Variants in RAB4B observed in about 807,000 individuals in gnomAD.
RAB4B encodes RAB4B, member RAS oncogene family.
A neutral mutation model predicts 28.3 loss-of-function variants in RAB4B; 15 were observed. The observed-to-expected ratio is 0.53, with a 90% CI of 0.35 to 0.82. The LOEUF (loss-of-function observed/expected upper bound fraction) is 0.82. RAB4B is among the 40% of genes least tolerant of loss of function. The pLI is 0.01. For missense variants in RAB4B, 244 were observed against 288.5 expected, an observed-to-expected ratio of 0.85 and a Z score of 1.12; for synonymous variants, 108 against 116.3, an observed-to-expected ratio of 0.93 and a Z score of 0.46.
At chr19:40,787,006 AG>A in intron 7 of RAB4B, 28 bp downstream of exon 7, 1 of 1,590,866 alleles carries the variant, frequency 6.3e-7, no homozygotes, top group Middle Eastern at 1.8e-4. Context: ...TTAGGGAGGC[AG>A]GGCGGCCTCT....
At chr19:40,785,065 G>A (rs1447974144) in intron 5 of RAB4B, among the ~76,000 whole-genome samples, 4 of 151,674 alleles carry the variant, frequency 2.6e-5, no homozygotes, top group African/African-American at 7.3e-5. Context: ...CGACTGCCTC[G>A]GCCTCCCAAA....
intron 3 of RAB4B, among the ~76,000 whole-genome samples, chr19:40,781,305 A>C (rs1472495405): frequency 6.7e-6 from 1 of 148,484 alleles, no homozygotes; most frequent in Non-Finnish European, 1.5e-5. Context: ...TAAATAAATA[A>C]ATAAATGAAT....
chr19:40,781,467 G>A (rs1306034011), intron 3 of RAB4B, among the ~76,000 whole-genome samples: 1 of 151,934 alleles, frequency 6.6e-6, no homozygotes, highest in East Asian at 1.9e-4. Context: ...GCAAGGGTGA[G>A]CATGAGAGCC....
At position 40,778,249 on chromosome 19, in the gene RAB4B, A is replaced by T; in HGVS notation, c.-127A>T. 1 of 832,796 alleles carries T rather than the reference A, an allele frequency of 1.2e-6. No homozygotes were observed. Among genetic ancestry groups the T allele is most frequent in the Non-Finnish European group, 1.7e-6 (1 of 571,706 alleles). 51.6% of individuals were successfully genotyped at this position (832,796 alleles called of 1,614,324 possible). ...TCGCGCCGGAGGGGGGCGGAGGCGG[A>T]AGTGGCGGTGCCGGGCCCGGGGAGT... On this transcript the variant is annotated 5_prime_UTR_variant, in exon 1 of 8. Transcript: ENST00000357052.
At chr19:40,794,981 G>A (rs1207391895) in intron 7 of RAB4B, among the ~76,000 whole-genome samples, 11 of 115,464 alleles carry the variant, frequency 9.5e-5, no homozygotes, top group Non-Finnish European at 1.9e-4. Context: ...GTGAAACCCC[G>A]TCTCTACTAA....
At chr19:40,784,676 C>G (rs954757682) in intron 5 of RAB4B, among the ~76,000 whole-genome samples, 4 of 152,118 alleles carry the variant, frequency 2.6e-5, no homozygotes, top group Admixed American at 1.3e-4. Flanking sequence ...AGAGTGGGTG[C>G]TAGATTAATG....
rs959266861 is a variant in RAB4B, at chr19:40,788,222, C to A, written c.*15+1244C>A. Among the ~76,000 whole-genome samples the A allele has an allele frequency of 2.6e-5, 4 of 152,000 alleles. No homozygotes were observed. In the East Asian group the frequency reaches 5.8e-4, roughly 22 times the overall value. Reference sequence around the variant, plus strand: ...AAACAAGAGATGTAAGTCGACTGGGCGCAGTGGCTCACACCTGTAATCCCA... The same window carrying A: ...AAACAAGAGATGTAAGTCGACTGGGAGCAGTGGCTCACACCTGTAATCCCA... On this transcript the variant is annotated intron_variant, in intron 7 of 7. Transcript: ENST00000357052.
intron 3 of RAB4B, among the ~76,000 whole-genome samples, chr19:40,783,512 C>T (rs1002162614): frequency 1.1e-4 from 17 of 152,016 alleles, no homozygotes; most frequent in African/African-American, 4.1e-4. Flanking sequence ...AAGATAGGGA[C>T]ACAGGGAGAG....
intron 5 of RAB4B, chr19:40,786,014 C>T (rs898730310): frequency 4.8e-5 from 7 of 147,022 alleles, no homozygotes; most frequent in Admixed American, 3.7e-4. Context: ...TGGGATAGGG[C>T]AGGCAGAGGC....
intron 7 of RAB4B, among the ~76,000 whole-genome samples, chr19:40,788,171 C>G (rs568110033): frequency 6.6e-6 from 1 of 151,816 alleles, no homozygotes; most frequent in African/African-American, 2.4e-5. Flanking sequence ...ATGGTGCTGA[C>G]ATTCTCTTTG....
chr19:40,783,159 A>T, intron 3 of RAB4B, among the ~76,000 whole-genome samples: 1 of 150,994 alleles, frequency 6.6e-6, no homozygotes, highest in African/African-American at 2.4e-5. Context: ...AAAAAAAAAA[A>T]AAAAAAAAAA....
intron 7 of RAB4B, among the ~76,000 whole-genome samples, chr19:40,790,407 G>A (rs1316158261): frequency 6.7e-6 from 1 of 148,910 alleles, no homozygotes; most frequent in Admixed American, 6.8e-5. Flanking sequence ...GTCTCGCTCT[G>A]TCACCCAGGC....
chr19:40,785,277 A>C (rs2083087514), intron 5 of RAB4B, among the ~76,000 whole-genome samples: 1 of 144,092 alleles, frequency 6.9e-6, no homozygotes, highest in South Asian at 2.2e-4. Context: ...AGGCCAAGGT[A>C]GGAGCATCAC....
intron 7 of RAB4B, among the ~76,000 whole-genome samples, chr19:40,793,942 A>C (rs935112702): frequency 2.0e-5 from 3 of 151,590 alleles, no homozygotes; most frequent in South Asian, 2.1e-4. Context: ...AAAAACAAAC[A>C]AACCAAAAAA....
chr19:40,786,483 A>C, intron 5 of RAB4B, 182 bp from the exon 6 acceptor site: 1 of 822,832 alleles, frequency 1.2e-6, no homozygotes. Context: ...CTCTGAAGGA[A>C]GAGCTGGGTG....
chr19:40,781,312 G>GAATAAATAAATAAATA (rs769534052), intron 3 of RAB4B, among the ~76,000 whole-genome samples: 1 of 144,352 alleles, frequency 6.9e-6, no homozygotes, highest in Non-Finnish European at 1.5e-5. Flanking sequence ...ATAAATAAAT[G>GAATAAATAAATAAATA]AATAAATAAA....
At position 40,784,057 on chromosome 19, in the gene RAB4B, C is replaced by A; in HGVS notation, c.412C>A (p.Arg138Ser). ...GGAGGTCACTTTCCTGGAGGCCTCC[C>A]GCTTTGCCCAGGAGAATGGTGAGGG... ...EREVTFLEAS[R>S]FAQENELMFL... The change falls in exon 5 of 8, where the codon CGC becomes AGC. Residue 138 changes from arginine (R) to serine (S), a missense_variant. Transcript: ENST00000357052. The A allele has an allele frequency of 6.2e-7, 1 of 1,612,636 alleles. No homozygotes were observed. Among genetic ancestry groups the A allele is most frequent in the Non-Finnish European group, 8.5e-7 (1 of 1,179,004 alleles).
chr19:40,782,020 CAAAAAA>C (rs56884543), intron 3 of RAB4B, among the ~76,000 whole-genome samples: 5 of 108,732 alleles, frequency 4.6e-5, no homozygotes, highest in East Asian at 2.5e-4. Flanking sequence ...GGCTCCGTTT[CAAAAAA>C]AAAAAAAAAA....
intron 3 of RAB4B, among the ~76,000 whole-genome samples, chr19:40,781,638 GGAGA>G (rs371458951): frequency 7.3e-5 from 11 of 150,962 alleles, no homozygotes; most frequent in Admixed American, 6.6e-4. Context: ...ACGTGTTGTG[GGAGA>G]GAGAGAGAGA....
Sources: allele counts gnomAD v4.1 joint callset (sites outside exome capture counted in the v4.1 genomes callset), GRCh38; gene constraint gnomAD v4.1.1; transcripts MANE v1.5; gene names NCBI Gene and HGNC (gene_info 2026-07-23, HGNC 2026-07-21).